ASB4: variants seen among roughly 807,000 people sequenced by gnomAD.
ASB4 encodes ankyrin repeat and SOCS box protein 4.
In ASB4, 35 loss-of-function variants were observed where a neutral mutation model predicts 38.6. The ratio of observed to expected loss-of-function variants is 0.91; its 90% CI spans 0.69 to 1.20. ASB4 has a LOEUF of 1.20. Ranked by LOEUF, ASB4 falls within the 50% of genes most tolerant of loss-of-function variation. ASB4 has a pLI of 0.00. For missense variants in ASB4, 557 were observed against 527.2 expected, an observed-to-expected ratio of 1.06 and a Z score of -0.55; for synonymous variants, 195 against 201.3, an observed-to-expected ratio of 0.97 and a Z score of 0.26.
intron 1 of ASB4, among the ~76,000 whole-genome samples, chr7:95,489,801 C>G (rs1217106511): frequency 1.3e-5 from 2 of 152,166 alleles, no homozygotes; most frequent in African/African-American, 4.8e-5. Context: ...GAGCCAACCA[C>G]TGAGTATTTA....
upstream of ASB4, among the ~76,000 whole-genome samples, chr7:95,474,523 T>G (rs934547260): frequency 1.3e-5 from 2 of 152,128 alleles, no homozygotes; most frequent in Non-Finnish European, 2.9e-5. Context: ...TAAAACTTAG[T>G]TTTTGTTTTT....
chr7:95,530,802 TC>T (rs1401345947), intron 3 of ASB4, among the ~76,000 whole-genome samples: 2 of 152,118 alleles, frequency 1.3e-5, no homozygotes, highest in Non-Finnish European at 2.9e-5. Flanking sequence ...TCTAAAATGG[TC>T]CTTTTGACTG....
In ASB4 at chr7:95,485,993, G is replaced by T; in HGVS notation, c.22G>T (p.Val8Phe). The stretch of plus-strand genomic sequence containing the variant: ...AAGGATGGACGGCACCACTGCCCCT[G>T]TCACTAAATCTGGAGCTGCCAAGTT... The part of the protein sequence containing the change: MDGTTAP[V>F]TKSGAAKLVK... Residue 8 changes from valine (V) to phenylalanine (F), a missense_variant, in exon 1 of 5, where the codon GTC becomes TTC. Val to Phe is a conservative substitution (Grantham distance 50, BLOSUM62 -1). Coordinates refer to ENST00000325885, the MANE Select transcript of ASB4 (RefSeq NM_016116.3). 1.2e-6 allele frequency: 2 copies of T among 1,613,976 alleles called. No individual in the cohort carries two copies. Among genetic ancestry groups the T allele is most frequent in the Middle Eastern group, 1.6e-4 (1 of 6,062 alleles).
chr7:95,550,566 G>T, the ASB4 span, among the ~76,000 whole-genome samples: 1 of 152,264 alleles, frequency 6.6e-6, no homozygotes, highest in East Asian at 1.9e-4. Context: ...AAAAATTATT[G>T]CTGGAGCTCG....
chr7:95,535,470 C>A (rs1790878242), intron 3 of ASB4, among the ~76,000 whole-genome samples: 1 of 152,110 alleles, frequency 6.6e-6, no homozygotes, highest in Admixed American at 6.6e-5. Flanking sequence ...ATACGAAACT[C>A]ATGATGAACA....
upstream of ASB4, among the ~76,000 whole-genome samples, chr7:95,481,784 A>C (rs1192777422): frequency 6.6e-6 from 1 of 152,264 alleles, no homozygotes; most frequent in Non-Finnish European, 1.5e-5. Flanking sequence ...GCCACTTGCC[A>C]CATCATTGCC....
intron 1 of ASB4, among the ~76,000 whole-genome samples, chr7:95,479,447 C>G (rs537192714): frequency 2.0e-5 from 3 of 152,240 alleles, no homozygotes; most frequent in Admixed American, 2.0e-4. Context: ...CAGAATTGAT[C>G]TGTATTGTTA....
intron 2 of ASB4, among the ~76,000 whole-genome samples, chr7:95,521,707 C>G (rs192730089): frequency 9.2e-4 from 139 of 150,484 alleles, no homozygotes; most frequent in Middle Eastern, 3.5e-3. Context: ...AAACAGTTCT[C>G]TATTCAAAGA....
downstream of ASB4, among the ~76,000 whole-genome samples, chr7:95,541,017 A>G (rs554762576): frequency 2.0e-5 from 3 of 152,224 alleles, no homozygotes; most frequent in Non-Finnish European, 2.9e-5. Flanking sequence ...AATGAATTCA[A>G]CTATTCACCC....
chr7:95,518,382 T>G (rs1790615054), intron 2 of ASB4, among the ~76,000 whole-genome samples: 1 of 152,238 alleles, frequency 6.6e-6, no homozygotes, highest in Non-Finnish European at 1.5e-5. Context: ...CAGGTAGAGA[T>G]GGCGAAGCCA....
At chr7:95,496,426 T>G (rs1464438382) in intron 2 of ASB4, among the ~76,000 whole-genome samples, 2 of 152,120 alleles carry the variant, frequency 1.3e-5, no homozygotes, top group Non-Finnish European at 2.9e-5. Context: ...AAATATATAA[T>G]TATAAATTGG....
intron 2 of ASB4, among the ~76,000 whole-genome samples, chr7:95,515,690 C>T (rs368236107): frequency 2.6e-5 from 4 of 152,232 alleles, no homozygotes; most frequent in East Asian, 3.9e-4. Context: ...GCTGGGACTA[C>T]AGGCGTGAGC....
chr7:95,513,274 T>TTTTG (rs1790509892), intron 2 of ASB4, among the ~76,000 whole-genome samples: 1 of 85,330 alleles, frequency 1.2e-5, no homozygotes, highest in African/African-American at 4.1e-5. Flanking sequence ...TTTTTTTTTT[T>TTTTG]AGAAATCGAG....
chr7:95,489,297 A>T (rs1790137123), intron 1 of ASB4, among the ~76,000 whole-genome samples: 1 of 152,200 alleles, frequency 6.6e-6, no homozygotes, highest in Admixed American at 6.5e-5. Flanking sequence ...ATTACAAATA[A>T]GTCTGGAAGC....
At position 95,493,328 on chromosome 7, in the gene ASB4, C is replaced by G. The variant is rs149354545; in HGVS notation, c.188-2430C>G. Among the ~76,000 whole-genome samples the G allele has an allele frequency of 3.0e-4, 45 of 151,030 alleles. No homozygotes were observed. The East Asian group carries it at 8.8e-3, about 29-fold the overall frequency. ...GGGAGAGAGAGAAAGCAAGATGGCTCTAGAATTCTGAATGGAGTAAAAAAG... is the reference window on the plus strand; with the variant it reads ...GGGAGAGAGAGAAAGCAAGATGGCTGTAGAATTCTGAATGGAGTAAAAAAG... On this transcript the variant is annotated intron_variant, in intron 1 of 4. Transcript: ENST00000325885.
chr7:95,528,225 T>A lies in ASB4; in HGVS notation c.900T>A (p.Pro300=). The A allele has an allele frequency of 1.2e-6, 2 of 1,614,190 alleles. No individual in the cohort carries two copies. Among genetic ancestry groups the A allele is most frequent in the Non-Finnish European group, 1.7e-6 (2 of 1,180,034 alleles). The change falls in exon 3 of 5, where the codon CCT becomes CCA. Residue 300 remains proline, a synonymous_variant. Transcript: ENST00000325885. The stretch of plus-strand genomic sequence containing the variant: ...TGCTGAAGGTCACCTCCGTGCGCCC[T>A]GCTGCCCAGCCTGAGATCTGCTACC... ...QYVLKVTSVR[P]AAQPEICYQL...
At position 95,505,697 on chromosome 7, in the gene ASB4, C is replaced by T. The variant is rs77594808; in HGVS notation, c.487+9640C>T. Among the ~76,000 whole-genome samples the T allele has an allele frequency of 8.5e-3, 1,209 of 141,930 alleles. 22 individuals carry two copies. Among genetic ancestry groups the T allele is most frequent in the African/African-American group, 0.029 (1,084 of 37,850 alleles). 93.1% of individuals were successfully genotyped at this position (141,930 alleles called of 152,430 possible). ...TTCCTCTATCCGTGTCCCCCCCCCC[C>T]CAAATACTTATTCATTCCCTGTCCC... On this transcript the variant is annotated intron_variant, in intron 2 of 4. Coordinates refer to ENST00000325885, the MANE Select transcript of ASB4 (RefSeq NM_016116.3).
the ASB4 span, among the ~76,000 whole-genome samples, chr7:95,548,808 A>T: frequency 6.6e-6 from 1 of 152,212 alleles, no homozygotes; most frequent in Non-Finnish European, 1.5e-5. Context: ...ATTTATAGCA[A>T]ACCTGACATG....
intron 2 of ASB4, among the ~76,000 whole-genome samples, chr7:95,522,996 A>G (rs190045767): frequency 5.3e-5 from 8 of 152,322 alleles, no homozygotes; most frequent in Admixed American, 5.2e-4. Context: ...AAACTGCTAC[A>G]AATTTTATAG....
Sources: gnomAD v4.1 joint callset for allele counts (sites outside exome capture counted in the v4.1 genomes callset) on GRCh38, gnomAD v4.1.1 for gene constraint, MANE v1.5 for transcripts, NCBI Gene and HGNC (gene_info 2026-07-23, HGNC 2026-07-21) for gene names.